The following GDNF variants were observed in gnomAD, a reference collection of about 807,000 sequenced individuals.
The protein encoded by GDNF is glial cell line-derived neurotrophic factor.
GDNF carries 5 observed loss-of-function variants against 13.7 expected under a neutral mutation model. The observed-to-expected ratio is 0.36, with a 90% CI of 0.19 to 0.77. The LOEUF (loss-of-function observed/expected upper bound fraction) is 0.77. Among genes scored for constraint, GDNF ranks in the 30% least tolerant of loss-of-function variants. GDNF has a pLI of 0.51. For synonymous variants in GDNF, 122 were observed against 112.5 expected, an observed-to-expected ratio of 1.08 and a Z score of -0.53; for missense variants, 246 against 274.3, an observed-to-expected ratio of 0.90 and a Z score of 0.73.
rs757736109 is a variant in GDNF at position 37,834,724 on chromosome 5, C to T, written c.73G>A (p.Gly25Ser). 2.5e-6 allele frequency: 4 copies of T among 1,611,398 alleles called. No individual in the cohort carries two copies. Among genetic ancestry groups the T allele is most frequent in the South Asian group, 2.2e-5 (2 of 91,010 alleles). The change falls in exon 2 of 3, where the codon GGT becomes AGT. Residue 25 changes from glycine to serine, a missense_variant. Coordinates refer to ENST00000326524, the MANE Select transcript of GDNF (RefSeq NM_000514.4). The stretch of plus-strand genomic sequence containing the variant: ...GCGGGCGCCTCGGGAGGCCTCTTAC[C>T]GGCGGGCAGCGGGAAGGCGGACGCG... The part of the protein sequence containing the change: ...HTASAFPLPA[G>S]KRPPEAPAED...
In GDNF at chr5:37,815,940, C is replaced by A. The variant is rs772460903; in HGVS notation, c.347G>T (p.Arg116Leu). The stretch of plus-strand genomic sequence containing the variant: ...ATGTATTGCAGTTAAGACACAACCC[C>A]GGTTTTTGCCCCTCTGGCCTCTCCG... ...KGRRGQRGKN[R>L]GCVLTAIHLN... is the part of the protein sequence containing the mutation. Residue 116 changes from arginine to leucine, a missense_variant, in exon 3 of 3, where the codon CGG (arginine) becomes CTG (leucine). Coordinates refer to ENST00000326524, the MANE Select transcript of GDNF (RefSeq NM_000514.4). This position sits in a 1 kb window ranked among gnomAD's most constrained non-coding sequence, Gnocchi z 5.0. 9.3e-6 allele frequency: 15 copies of A among 1,614,060 alleles called. No homozygotes were observed. Among genetic ancestry groups the A allele is most frequent in the Non-Finnish European group, 1.3e-5 (15 of 1,180,046 alleles).
chr5:37,834,320 A>T (rs1750621478), intron 2 of GDNF, among the ~76,000 whole-genome samples: 2 of 152,228 alleles, frequency 1.3e-5, no homozygotes, highest in African/African-American at 4.8e-5. Flanking sequence ...AGGTGAGGAA[A>T]CAGAAAAGGG....
chr5:37,823,911 G>A (rs1158298898), intron 2 of GDNF: 1 of 239,218 alleles, frequency 4.2e-6, no homozygotes, highest in African/African-American at 2.3e-5. Context: ...TCTGGCTGAC[G>A]CCCCAGCAGC....
chr5:37,816,114 G>A lies in GDNF; in HGVS notation c.173C>T (p.Pro58Leu). Residue 58 changes from proline to leucine, a missense_variant, in exon 3 of 3, where the codon CCT (proline) becomes CTT (leucine). Coordinates refer to ENST00000326524, the MANE Select transcript of GDNF (RefSeq NM_000514.4). ...ATCCATGACATCATCGAACTGATCAGGATAATCCTCTGGCATATTTGCTGT... is the reference window on the plus strand; with the variant it reads ...ATCCATGACATCATCGAACTGATCAAGATAATCCTCTGGCATATTTGCTGT... ...SSDSNMPEDY[P>L]DQFDDVMDFI... 3 of 1,613,500 alleles carry A rather than the reference G, an allele frequency of 1.9e-6. No individual in the cohort carries two copies. Among genetic ancestry groups the A allele is most frequent in the Non-Finnish European group, 2.5e-6 (3 of 1,179,408 alleles).
chr5:37,817,295 C>T (rs557852626), intron 2 of GDNF, among the ~76,000 whole-genome samples: 15 of 152,230 alleles, frequency 9.9e-5, no homozygotes, highest in South Asian at 4.2e-4. Flanking sequence ...AATTTCTAAA[C>T]GGGGGGAAAA....
In GDNF at chr5:37,838,111, A is replaced by C. The variant is rs1750773616; in HGVS notation, c.-27+1396T>G. ...TGACAGAGGACTTATTCTCCCCTCAACCCCCCATAACTGCGGGGCCCAAGA... is the reference window on the plus strand; with the variant it reads ...TGACAGAGGACTTATTCTCCCCTCACCCCCCCATAACTGCGGGGCCCAAGA... On this transcript the variant is annotated intron_variant, in intron 1 of 2. Coordinates refer to ENST00000326524, the MANE Select transcript of GDNF (RefSeq NM_000514.4). This position sits in a 1 kb window ranked among gnomAD's most constrained non-coding sequence, Gnocchi z 4.1. Among the ~76,000 whole-genome samples, 2 of 150,868 alleles carry C rather than the reference A, an allele frequency of 1.3e-5. No individual in the cohort carries two copies. The highest frequency in any genetic ancestry group is 2.4e-5 in the African/African-American group (1 of 40,966).
chr5:37,816,191 G>A (rs1048423410), intron 2 of GDNF, 56 bp from the exon 3 acceptor site: 267 of 1,592,642 alleles, frequency 1.7e-4, no homozygotes, highest in East Asian at 2.2e-4. Context: ...ATTTCAAGCC[G>A]TCTTCAAGAT....
intron 2 of GDNF, among the ~76,000 whole-genome samples, chr5:37,822,219 G>C (rs1750162741): frequency 6.6e-6 from 1 of 152,190 alleles, no homozygotes. Flanking sequence ...TACACACAGT[G>C]GTCCTGTTCA....
In GDNF at chr5:37,838,990, A is replaced by G. The variant is rs1027043859; in HGVS notation, c.-27+517T>C. On this transcript the variant is annotated intron_variant, in intron 1 of 2. Transcript: ENST00000326524. This position sits in a 1 kb window ranked among gnomAD's most constrained non-coding sequence, Gnocchi z 4.1. ...TGCCAGACCTCGCCCGGAGGAGGTG[A>G]GCCCTCCATTTTTAGGTTCTCAGCA... Among the ~76,000 whole-genome samples, 3 of 152,102 alleles carry G rather than the reference A, an allele frequency of 2.0e-5. No homozygotes were observed. Among genetic ancestry groups the G allele is most frequent in the African/African-American group, 7.2e-5 (3 of 41,422 alleles).
In GDNF at chr5:37,818,550, G is replaced by A. The variant is rs577519145; in HGVS notation, c.152-2415C>T. On this transcript the variant is annotated intron_variant, in intron 2 of 2. Coordinates refer to ENST00000326524, the MANE Select transcript of GDNF (RefSeq NM_000514.4). ...ACCCAGTCTCAGGTATTTCTTCATA[G>A]CAGTAAGAAAACAGACTAATACAAG... Among the ~76,000 whole-genome samples, 5 of 152,188 alleles carry A rather than the reference G, an allele frequency of 3.3e-5. No individual in the cohort carries two copies. In the South Asian group the frequency reaches 1.0e-3, roughly 32 times the overall value.
intron 2 of GDNF, among the ~76,000 whole-genome samples, chr5:37,820,684 A>C (rs998520434): frequency 6.6e-6 from 1 of 152,180 alleles, no homozygotes; most frequent in Non-Finnish European, 1.5e-5. Flanking sequence ...GTGTAGGGGT[A>C]GGGAGTATAT....
chr5:37,819,873 T>A (rs1230519783), intron 2 of GDNF, among the ~76,000 whole-genome samples: 2 of 152,012 alleles, frequency 1.3e-5, no homozygotes, highest in Admixed American at 1.3e-4. Flanking sequence ...ACAGAAACAA[T>A]TGACTTAAAA....
rs1452463909 is a variant in GDNF at position 37,813,077 on chromosome 5, C to A, written c.*2574G>T. 1 of 152,174 alleles carries A rather than the reference C, an allele frequency of 6.6e-6. No individual in the cohort carries two copies. The highest frequency in any genetic ancestry group is 1.9e-4 in the East Asian group (1 of 5,190). The allele number at this position is 152,174 out of a possible 1,614,324, so 9.4% of individuals were successfully genotyped here. ...CAAGGTTCTCTGAATGGGACAGATG[C>A]CCCTGGGGCCACATCCAAATTGTGC... On this transcript the variant is annotated 3_prime_UTR_variant, in exon 3 of 3. Transcript: ENST00000326524.
At position 37,838,058 on chromosome 5, in the gene GDNF, T is replaced by A. The variant is rs992662589; in HGVS notation, c.-27+1449A>T. ...AGAAATTGCTGGAAGATCTATTGCT[T>A]TTCTTAACTATGCTTCGTGTCCTTG... On this transcript the variant is annotated intron_variant, in intron 1 of 2. Coordinates refer to ENST00000326524, the MANE Select transcript of GDNF (RefSeq NM_000514.4). The surrounding 1 kb of genome is among the most constrained non-coding windows in gnomAD (Gnocchi z 4.1). Among the ~76,000 whole-genome samples the A allele has an allele frequency of 6.6e-6, 1 of 151,726 alleles. No homozygotes were observed. Among genetic ancestry groups the A allele is most frequent in the African/African-American group, 2.4e-5 (1 of 41,222 alleles).
At chr5:37,816,812 A>G (rs1749947928) in intron 2 of GDNF, among the ~76,000 whole-genome samples, 1 of 152,208 alleles carries the variant, frequency 6.6e-6, no homozygotes, top group Non-Finnish European at 1.5e-5. Context: ...GACAAGAACC[A>G]TTCTGACAGA....
chr5:37,822,553 A>G (rs1484558884), intron 2 of GDNF, among the ~76,000 whole-genome samples: 3 of 152,184 alleles, frequency 2.0e-5, no homozygotes, highest in Non-Finnish European at 4.4e-5. Flanking sequence ...GGTGCCATCC[A>G]TCCTGACATG....
At chr5:37,826,268 G>C (rs1750310309) in intron 2 of GDNF, among the ~76,000 whole-genome samples, 1 of 152,220 alleles carries the variant, frequency 6.6e-6, no homozygotes, top group South Asian at 2.1e-4. Flanking sequence ...TCCACAGAAA[G>C]TATTTCACAA....
rs1418081676 is a variant in GDNF, at chr5:37,816,249, A to G, written c.152-114T>C. On this transcript the variant is annotated intron_variant, in intron 2 of 2. Coordinates refer to ENST00000326524, the MANE Select transcript of GDNF (RefSeq NM_000514.4). ...CAAAAATTGGACCCACAGCAAAACT[A>G]TCAGCCGATTAAGCTATAGGACCAC... The G allele has an allele frequency of 3.0e-6, 3 of 985,372 alleles. No individual in the cohort carries two copies. The Admixed American group carries it at 5.8e-5, about 19-fold the overall frequency. 61.0% of individuals were successfully genotyped at this position (985,372 alleles called of 1,614,324 possible).
At chr5:37,831,467 G>A (rs748740147) in intron 2 of GDNF, among the ~76,000 whole-genome samples, 2 of 152,244 alleles carry the variant, frequency 1.3e-5, no homozygotes, top group African/African-American at 4.8e-5. Context: ...TACATTTAGA[G>A]TTGAGATAAG....
Sources: gnomAD v4.1 joint callset for allele counts (sites outside exome capture counted in the v4.1 genomes callset) on GRCh38, gnomAD v4.1.1 for gene constraint, Gnocchi (gnomAD v3.1) non-coding constraint, MANE v1.5 for transcripts, NCBI Gene and HGNC (gene_info 2026-07-23, HGNC 2026-07-21) for gene names.